HRH1: variants seen among roughly 807,000 people sequenced by gnomAD.
The protein encoded by HRH1 is histamine receptor H1, also known as histamine H1 receptor.
A neutral mutation model predicts 10.3 loss-of-function variants in HRH1; 6 were observed. The ratio of observed to expected loss-of-function variants is 0.58; its 90% CI spans 0.32 to 1.15. The LOEUF is 1.15. HRH1 is among the 50% of genes most tolerant of loss of function. The pLI, the probability that HRH1 is intolerant of heterozygous loss-of-function variation, is 0.05. For missense variants in HRH1, 514 were observed against 615.3 expected, an observed-to-expected ratio of 0.84 and a Z score of 1.74; for synonymous variants, 242 against 236.7, an observed-to-expected ratio of 1.02 and a Z score of -0.21.
At chr3:11,247,706 C>T (rs1939526285) in intron 1 of HRH1, among the ~76,000 whole-genome samples, 1 of 152,180 alleles carries the variant, frequency 6.6e-6, no homozygotes, top group African/African-American at 2.4e-5. Context: ...TCATCTCTGA[C>T]AATTTCCCCC....
chr3:11,142,856 G>A (rs1268536488), intron 1 of HRH1, among the ~76,000 whole-genome samples: 3 of 152,112 alleles, frequency 2.0e-5, no homozygotes, highest in African/African-American at 7.2e-5. Context: ...GGAGGTTGCA[G>A]TGTGCCAAGA....
At chr3:11,240,452 G>A (rs1443609009) in intron 1 of HRH1, among the ~76,000 whole-genome samples, 1 of 151,924 alleles carries the variant, frequency 6.6e-6, no homozygotes, top group Non-Finnish European at 1.5e-5. Flanking sequence ...CAGAGGACAG[G>A]CTCTCCAGGT....
At chr3:11,241,477 C>T (rs1939334127) in intron 1 of HRH1, among the ~76,000 whole-genome samples, 1 of 152,018 alleles carries the variant, frequency 6.6e-6, no homozygotes, top group Admixed American at 6.6e-5. Flanking sequence ...CCAATCAGCA[C>T]TCGGTAGCTA....
At chr3:11,235,076 G>A (rs111696818) in intron 1 of HRH1, among the ~76,000 whole-genome samples, 7,977 of 151,982 alleles carry the variant, frequency 0.052, 279 homozygotes, top group African/African-American at 0.092. Flanking sequence ...TTAGCTGGGC[G>A]TGGTGGCATG....
intron 1 of HRH1, among the ~76,000 whole-genome samples, chr3:11,149,265 G>C (rs1051784370): frequency 6.6e-6 from 1 of 152,192 alleles, no homozygotes; most frequent in Non-Finnish European, 1.5e-5. Context: ...GATAGCCACT[G>C]TGTATAGCTT....
intron 1 of HRH1, among the ~76,000 whole-genome samples, chr3:11,173,433 C>A (rs980059404): frequency 2.6e-5 from 4 of 151,678 alleles, no homozygotes; most frequent in African/African-American, 9.7e-5. Flanking sequence ...GATGGAGTCT[C>A]GCTCTGTCGC....
chr3:11,173,816 G>A (rs1265994371), intron 1 of HRH1, among the ~76,000 whole-genome samples: 1 of 152,070 alleles, frequency 6.6e-6, no homozygotes, highest in East Asian at 1.9e-4. Flanking sequence ...TTGTGTTTTG[G>A]AAACAGTTTG....
intron 1 of HRH1, among the ~76,000 whole-genome samples, chr3:11,236,300 G>A (rs1477947633): frequency 1.3e-5 from 2 of 152,214 alleles, no homozygotes; most frequent in East Asian, 1.9e-4. Flanking sequence ...GTGGTGGCAG[G>A]TGCCTGTAAT....
At chr3:11,158,070 A>G (rs1438117851) in intron 1 of HRH1, among the ~76,000 whole-genome samples, 2 of 152,242 alleles carry the variant, frequency 1.3e-5, no homozygotes, top group Admixed American at 6.5e-5. Flanking sequence ...GTGAATGACA[A>G]ATTGCTTAAT....
chr3:11,146,268 G>C (rs999960793), intron 1 of HRH1, among the ~76,000 whole-genome samples: 2 of 152,186 alleles, frequency 1.3e-5, no homozygotes, highest in Admixed American at 1.3e-4. Context: ...CATGGAAGGA[G>C]GTCATTGGGG....
At chr3:11,207,414 C>CA (rs1938173217) in intron 1 of HRH1, among the ~76,000 whole-genome samples, 1 of 151,836 alleles carries the variant, frequency 6.6e-6, no homozygotes, top group Admixed American at 6.6e-5. Context: ...AAAAAAAATA[C>CA]AAAAAATTAG....
At chr3:11,150,422 G>A (rs1936577914), upstream of HRH1, among the ~76,000 whole-genome samples, 2 of 152,276 alleles carry the variant, frequency 1.3e-5, no homozygotes, top group Admixed American at 1.3e-4. Context: ...TCAGCACCCA[G>A]AGGGTGCAGT....
Position 11,260,095 on chromosome 3 carries a change from G to A in HRH1, c.1058G>A (p.Gly353Asp). Reference sequence around the variant, plus strand: ...GAGATATCAGAGGATCAGATGTTAGGTGATAGCCAATCCTTCTCTCGAACG... The same window carrying A: ...GAGATATCAGAGGATCAGATGTTAGATGATAGCCAATCCTTCTCTCGAACG... ...ASEISEDQML[G>D]DSQSFSRTDS... The change falls in exon 2 of 2, where the codon GGT becomes GAT. Residue 353 changes from glycine (G) to aspartate (D), a missense_variant. By Grantham distance (94) the Gly-to-Asp change is moderately conservative. Transcript: ENST00000431010. 6.2e-7 allele frequency: 1 copy of A among 1,614,110 alleles called. No homozygotes were observed. The highest frequency in any genetic ancestry group is 1.1e-5 in the South Asian group (1 of 91,066).
intron 1 of HRH1, among the ~76,000 whole-genome samples, chr3:11,243,240 CCAGTAA>C (rs1478984834): frequency 2.6e-5 from 4 of 152,118 alleles, no homozygotes; most frequent in Non-Finnish European, 5.9e-5. Flanking sequence ...CAGGGCTCAT[CCAGTAA>C]ACCTCTGTTG....
intron 1 of HRH1, among the ~76,000 whole-genome samples, chr3:11,232,468 CTATTCTATTGATTTA>C (rs1452884331): frequency 6.6e-6 from 1 of 152,108 alleles, no homozygotes; most frequent in Non-Finnish European, 1.5e-5. Context: ...CCTCTCTGTT[CTATTCTATTGATTTA>C]TGTGTCTATT....
intron 1 of HRH1, among the ~76,000 whole-genome samples, chr3:11,230,970 A>G (rs941917294): frequency 5.9e-5 from 9 of 152,152 alleles, no homozygotes; most frequent in East Asian, 1.9e-4. Context: ...TCCGTCACCA[A>G]TGTTGCCTTT....
intron 1 of HRH1, among the ~76,000 whole-genome samples, chr3:11,207,517 C>T (rs1032003757): frequency 6.6e-6 from 1 of 151,922 alleles, no homozygotes; most frequent in African/African-American, 2.4e-5. Flanking sequence ...TGCAGTGAGC[C>T]GAGATCATGC....
At chr3:11,204,107 T>C (rs970443353) in intron 1 of HRH1, among the ~76,000 whole-genome samples, 4 of 152,150 alleles carry the variant, frequency 2.6e-5, no homozygotes, top group African/African-American at 9.7e-5. Flanking sequence ...CACAGCACCA[T>C]AAGGATGAGA....
At chr3:11,245,076 G>A (rs1342284070) in intron 1 of HRH1, among the ~76,000 whole-genome samples, 2 of 152,188 alleles carry the variant, frequency 1.3e-5, no homozygotes, top group Admixed American at 6.5e-5. Flanking sequence ...GTTAGGGCCA[G>A]GTGTGGTGGC....
Sources: allele counts gnomAD v4.1 joint callset (sites outside exome capture counted in the v4.1 genomes callset), GRCh38; gene constraint gnomAD v4.1.1; transcripts MANE v1.5; gene names NCBI Gene and HGNC (gene_info 2026-07-23, HGNC 2026-07-21).